Variants in CNTN4 observed in about 807,000 individuals in gnomAD.
CNTN4 encodes contactin-4.
A neutral mutation model predicts 122.5 loss-of-function variants in CNTN4; 77 were observed. The observed-to-expected ratio is 0.63, with a 90% confidence interval of 0.52 to 0.76. The LOEUF (loss-of-function observed/expected upper bound fraction) is 0.76, where lower values mean the gene tolerates loss of function less well. Among genes scored for constraint, CNTN4 ranks in the 30% least tolerant of loss-of-function variants. CNTN4 has a pLI of 0.00. For missense variants in CNTN4, 1,256 were observed against 1,259.1 expected (o/e 1.00, Z 0.04); for synonymous variants, 512 against 447.0 (o/e 1.15, Z -1.83).
chr3:2,300,771 A>G (rs563109216), intron 2 of CNTN4, among the ~76,000 whole-genome samples: 11 of 151,892 alleles, frequency 7.2e-5, no homozygotes, highest in East Asian at 3.9e-4. Context: ...GGGTTTCACC[A>G]TGTTGGCCAG....
intron 2 of CNTN4, among the ~76,000 whole-genome samples, chr3:2,216,154 G>T (rs1237824520): frequency 6.6e-6 from 1 of 152,154 alleles, no homozygotes; most frequent in African/African-American, 2.4e-5. Context: ...ATCAATGATA[G>T]ATTGGATAAA....
At chr3:2,707,732 C>A (rs1216812097) in intron 4 of CNTN4, among the ~76,000 whole-genome samples, 3 of 152,146 alleles carry the variant, frequency 2.0e-5, no homozygotes, top group African/African-American at 7.2e-5. Context: ...TAACCTCGAA[C>A]TCTTGGGCTC....
At chr3:2,168,276 C>A (rs185845810) in intron 2 of CNTN4, among the ~76,000 whole-genome samples, 30 of 152,066 alleles carry the variant, frequency 2.0e-4, no homozygotes, top group African/African-American at 7.0e-4. Context: ...GTTATATTGT[C>A]TAATTAAAGA....
At chr3:2,425,820 T>C (rs1010263369) in intron 3 of CNTN4, among the ~76,000 whole-genome samples, 3 of 152,204 alleles carry the variant, frequency 2.0e-5, no homozygotes, top group Non-Finnish European at 2.9e-5. Context: ...TTTTATTCTC[T>C]TTGAAGCAAT....
chr3:2,257,147 C>T (rs774496000), intron 2 of CNTN4, among the ~76,000 whole-genome samples: 13 of 152,186 alleles, frequency 8.5e-5, no homozygotes, highest in African/African-American at 9.7e-5. Flanking sequence ...CATCTACACC[C>T]ATCTGATCTT....
At chr3:2,288,669 A>G (rs539918503) in intron 2 of CNTN4, among the ~76,000 whole-genome samples, 2 of 152,300 alleles carry the variant, frequency 1.3e-5, no homozygotes, top group East Asian at 3.9e-4. Flanking sequence ...GGAATAGATA[A>G]AGCCATACTA....
At chr3:2,313,625 T>C (rs564262905) in intron 2 of CNTN4, among the ~76,000 whole-genome samples, 2 of 152,038 alleles carry the variant, frequency 1.3e-5, no homozygotes, top group Non-Finnish European at 2.9e-5. Flanking sequence ...CTGAAACCCC[T>C]GTTAGCCATT....
intron 3 of CNTN4, among the ~76,000 whole-genome samples, chr3:2,552,182 C>T (rs1296643556): frequency 6.6e-6 from 1 of 152,138 alleles, no homozygotes; most frequent in Non-Finnish European, 1.5e-5. Context: ...AGGCTGCAGT[C>T]TGTTACTGTT....
intron 3 of CNTN4, among the ~76,000 whole-genome samples, chr3:2,485,237 C>A (rs749879638): frequency 5.3e-5 from 8 of 152,212 alleles, no homozygotes; most frequent in Non-Finnish European, 1.0e-4. Context: ...GCAGACAGCA[C>A]CTCCCCCTGC....
At chr3:2,530,848 T>C (rs2149230057) in intron 3 of CNTN4, among the ~76,000 whole-genome samples, 1 of 152,306 alleles carries the variant, frequency 6.6e-6, no homozygotes, top group African/African-American at 2.4e-5. Context: ...TCTGAAATAA[T>C]TTGGAAATAA....
intron 4 of CNTN4, among the ~76,000 whole-genome samples, chr3:2,582,243 G>A (rs1203519648): frequency 6.6e-6 from 1 of 152,174 alleles, no homozygotes; most frequent in East Asian, 1.9e-4. Flanking sequence ...GGAAGTTAGA[G>A]TTGCTCAGAG....
chr3:2,287,668 A>T (rs1210373283), intron 2 of CNTN4, among the ~76,000 whole-genome samples: 3 of 45,528 alleles, frequency 6.6e-5, no homozygotes, highest in Admixed American at 5.2e-4. Context: ...GAAGAAGAAG[A>T]AGAAGAAGAA....
At chr3:2,568,769 T>G (rs1449350056) in intron 3 of CNTN4, among the ~76,000 whole-genome samples, 1 of 152,192 alleles carries the variant, frequency 6.6e-6, no homozygotes, top group East Asian at 1.9e-4. Flanking sequence ...CCTACCTGAA[T>G]GTAAATAAAT....
intron 2 of CNTN4, among the ~76,000 whole-genome samples, chr3:2,144,560 C>T (rs1306316384): frequency 1.3e-5 from 2 of 152,162 alleles, no homozygotes. Context: ...GAGAGGGTTA[C>T]ATGTGACCCT....
chr3:2,729,293 G>T (rs144886197), intron 4 of CNTN4, among the ~76,000 whole-genome samples: 6 of 152,134 alleles, frequency 3.9e-5, no homozygotes, highest in South Asian at 2.1e-4. Flanking sequence ...GGCCGGGCGC[G>T]GTGGCTCACG....
intron 4 of CNTN4, among the ~76,000 whole-genome samples, chr3:2,593,372 T>C (rs1294107074): frequency 6.6e-6 from 1 of 152,178 alleles, no homozygotes; most frequent in Non-Finnish European, 1.5e-5. Context: ...TTCGCAATTA[T>C]CGGATAGGTA....
At chr3:2,980,795 C>T (rs1168197090) in intron 13 of CNTN4, among the ~76,000 whole-genome samples, 3 of 152,102 alleles carry the variant, frequency 2.0e-5, no homozygotes, top group Non-Finnish European at 4.4e-5. Flanking sequence ...TATAGACAGG[C>T]TTGAGGAGGC....
At chr3:2,197,840 C>A (rs2037917639) in intron 2 of CNTN4, among the ~76,000 whole-genome samples, 2 of 151,968 alleles carry the variant, frequency 1.3e-5, no homozygotes, top group South Asian at 4.2e-4. Context: ...ACAGGTGAAA[C>A]CCCGTCTCTA....
At chr3:2,131,170 A>G (rs2034432756) in intron 2 of CNTN4, among the ~76,000 whole-genome samples, 1 of 152,200 alleles carries the variant, frequency 6.6e-6, no homozygotes, top group South Asian at 2.1e-4. Context: ...CAGATGAGGA[A>G]GAGTTTCAGA....
Sources: gnomAD v4.1 joint callset for allele counts (sites outside exome capture counted in the v4.1 genomes callset) on GRCh38, gnomAD v4.1.1 for gene constraint, MANE v1.5 for transcripts, NCBI Gene and HGNC (gene_info 2026-07-23, HGNC 2026-07-21) for gene names.